The following AUTS2 variants were observed in gnomAD, a reference collection of about 807,000 sequenced individuals.
AUTS2 encodes the protein autism susceptibility gene 2 protein.
AUTS2 carries 17 observed loss-of-function variants against 112.4 expected under a neutral mutation model. That is an observed-to-expected ratio of 0.15 (90% CI 0.10 to 0.23). AUTS2 has a LOEUF of 0.23. Ranked by LOEUF, AUTS2 falls within the 10% of genes least tolerant of loss-of-function variation. The pLI, the probability that AUTS2 is intolerant of heterozygous loss-of-function variation, is 1.00. For synonymous variants in AUTS2, 751 were observed against 702.7 expected (o/e 1.07, Z -1.09); for missense variants, 1,510 against 1,701.6 (o/e 0.89, Z 1.98).
rs1441779706 is a variant in AUTS2 at position 70,354,607 on chromosome 7, G to A, written c.661-81145G>A. ...CACATGGCTGGTAAGTCATGGGCCA[G>A]GATCCCCAGCCAGCAGTCACTGCAG... is the stretch of plus-strand genomic sequence containing the variant. On this transcript the variant is annotated intron_variant, in intron 4 of 18. Coordinates refer to ENST00000342771, the MANE Select transcript of AUTS2 (RefSeq NM_015570.4). 2.6e-5 allele frequency among the ~76,000 whole-genome samples: 4 copies of A among 152,274 alleles called. No homozygotes were observed. In the East Asian group the frequency reaches 7.7e-4, roughly 29 times the overall value.
intron 5 of AUTS2, among the ~76,000 whole-genome samples, chr7:70,468,611 G>A (rs1797257699): frequency 6.6e-6 from 1 of 152,140 alleles, no homozygotes; most frequent in South Asian, 2.1e-4. Context: ...CTAGAGGGGG[G>A]CAAATACATT....
chr7:69,924,969 T>C (rs140141657), intron 2 of AUTS2, among the ~76,000 whole-genome samples: 208 of 152,380 alleles, frequency 1.4e-3, no homozygotes, highest in African/African-American at 4.4e-3. Context: ...AATATTGAAC[T>C]ATTTATGTTA....
chr7:69,948,941 GA>G (rs1196835158), intron 2 of AUTS2, among the ~76,000 whole-genome samples: 1 of 152,094 alleles, frequency 6.6e-6, no homozygotes, highest in East Asian at 1.9e-4. Context: ...AAGTAGCTGG[GA>G]CTACAGGCAT....
chr7:70,351,229 T>C (rs1791744551), intron 4 of AUTS2, among the ~76,000 whole-genome samples: 1 of 152,074 alleles, frequency 6.6e-6, no homozygotes. Context: ...TTTTGTATTT[T>C]TTTTAGTAGA....
At chr7:70,436,913 G>A (rs1795916442) in intron 5 of AUTS2, 1 of 152,212 alleles carries the variant, frequency 6.6e-6, no homozygotes, top group Non-Finnish European at 1.5e-5. Context: ...GACAAATGGT[G>A]CTTATTTGAT....
intron 4 of AUTS2, among the ~76,000 whole-genome samples, chr7:70,235,058 G>C (rs1039859973): frequency 1.3e-5 from 2 of 152,114 alleles, no homozygotes; most frequent in Admixed American, 6.6e-5. Flanking sequence ...GTATTATAAC[G>C]GTTTAATATA....
intron 2 of AUTS2, among the ~76,000 whole-genome samples, chr7:70,000,236 T>C (rs1799126636): frequency 6.6e-6 from 1 of 152,136 alleles, no homozygotes; most frequent in Non-Finnish European, 1.5e-5. Flanking sequence ...ATAGAATGAC[T>C]AGAGTATAAT....
chr7:69,864,226 T>C (rs761246685), intron 1 of AUTS2, among the ~76,000 whole-genome samples: 6 of 152,230 alleles, frequency 3.9e-5, no homozygotes, highest in Admixed American at 3.9e-4. Context: ...ACATTCACTT[T>C]GTTTAGGAAA....
intron 4 of AUTS2, among the ~76,000 whole-genome samples, chr7:70,318,390 T>C (rs1585012501): frequency 6.6e-6 from 1 of 152,040 alleles, no homozygotes; most frequent in South Asian, 2.1e-4. Flanking sequence ...ACCTACCGAC[T>C]AGACAAGAGG....
At chr7:70,768,216 G>C in intron 10 of AUTS2, 148 bp downstream of exon 10, 3 of 754,010 alleles carry the variant, frequency 4.0e-6, no homozygotes, top group Middle Eastern at 2.4e-4. Flanking sequence ...GCTTGCTTTT[G>C]TGGTGTTTTG....
chr7:70,241,271 T>C (rs1319138160), intron 4 of AUTS2, among the ~76,000 whole-genome samples: 5 of 152,208 alleles, frequency 3.3e-5, no homozygotes, highest in Admixed American at 6.5e-5. Context: ...TAAGAGTGTA[T>C]AATGGGAAAA....
At chr7:69,807,402 T>C (rs928646834) in intron 1 of AUTS2, among the ~76,000 whole-genome samples, 2 of 152,204 alleles carry the variant, frequency 1.3e-5, no homozygotes, top group African/African-American at 4.8e-5. Flanking sequence ...TCTTAGTTTA[T>C]GTGGGTCAGG....
intron 4 of AUTS2, among the ~76,000 whole-genome samples, chr7:70,232,416 T>C (rs1255356257): frequency 1.3e-5 from 2 of 151,998 alleles, no homozygotes; most frequent in Non-Finnish European, 2.9e-5. Context: ...TCTTTTTTTT[T>C]TTTGAGAGAC....
rs763418721 is a variant in AUTS2, at chr7:70,789,955, G to A, written c.2739G>A (p.Glu913=). The change falls in exon 19 of 19, where the codon GAG becomes GAA. Residue 913 remains glutamate (E), a synonymous_variant. Transcript: ENST00000342771. ...CCGCCGACGAGCACAAGGCGAAAGA[G>A]GGCCACCTGCCCGAGAAGGACGGGC... ...DLAADEHKAK[E]GHLPEKDGHG... 1 of 1,613,696 alleles carries A rather than the reference G, an allele frequency of 6.2e-7. No individual in the cohort carries two copies. Among genetic ancestry groups the A allele is most frequent in the East Asian group, 2.2e-5 (1 of 44,836 alleles).
chr7:69,833,256 C>T (rs993866112), intron 1 of AUTS2, among the ~76,000 whole-genome samples: 4 of 152,118 alleles, frequency 2.6e-5, no homozygotes, highest in Non-Finnish European at 5.9e-5. Context: ...GGTCCTCTGC[C>T]TCTTTCTGCA....
chr7:69,884,434 C>T (rs972813951), intron 1 of AUTS2, among the ~76,000 whole-genome samples: 2 of 152,192 alleles, frequency 1.3e-5, no homozygotes, highest in Non-Finnish European at 2.9e-5. Context: ...ATTTCAAGTG[C>T]TATCAGAGAA....
intron 4 of AUTS2, among the ~76,000 whole-genome samples, chr7:70,340,194 A>ACACACACACACACC (rs942358361): frequency 9.9e-5 from 15 of 151,120 alleles, no homozygotes; most frequent in Middle Eastern, 3.4e-3. Context: ...ACACACACAC[A>ACACACACACACACC]CCCCGTAATA....
intron 2 of AUTS2, among the ~76,000 whole-genome samples, chr7:69,948,605 T>C (rs1796905935): frequency 6.6e-6 from 1 of 152,174 alleles, no homozygotes; most frequent in Non-Finnish European, 1.5e-5. Flanking sequence ...CTTGTATGAA[T>C]GGCTAGACTT....
At chr7:69,625,265 G>A (rs979239641) in intron 1 of AUTS2, among the ~76,000 whole-genome samples, 11 of 152,172 alleles carry the variant, frequency 7.2e-5, no homozygotes, top group Admixed American at 5.2e-4. Context: ...GTAGTTCTGT[G>A]TGTCTACTGT....
Sources: gnomAD v4.1 joint callset for allele counts (sites outside exome capture counted in the v4.1 genomes callset) on GRCh38, gnomAD v4.1.1 for gene constraint, MANE v1.5 for transcripts, NCBI Gene and HGNC (gene_info 2026-07-23, HGNC 2026-07-21) for gene names.